Variants in MTDH observed in about 807,000 individuals in gnomAD.
The protein encoded by MTDH is protein LYRIC.
A neutral mutation model predicts 72.7 loss-of-function variants in MTDH; 34 were observed. That is an observed-to-expected ratio of 0.47 (90% confidence interval 0.36 to 0.62). MTDH has a LOEUF of 0.62. Ranked by LOEUF, MTDH falls within the 20% of genes least tolerant of loss-of-function variation. The pLI, the probability that MTDH is intolerant of heterozygous loss-of-function variation, is 0.00. For missense variants in MTDH, 677 were observed against 699.4 expected (o/e 0.97, Z 0.36); for synonymous variants, 266 against 268.9 (o/e 0.99, Z 0.10).
At chr8:97,659,130 G>T (rs866444352) in intron 1 of MTDH, among the ~76,000 whole-genome samples, 1 of 147,304 alleles carries the variant, frequency 6.8e-6, no homozygotes, top group Admixed American at 6.6e-5. Context: ...GCAACAGAGC[G>T]AGACTGCGTC....
intron 6 of MTDH, among the ~76,000 whole-genome samples, chr8:97,692,354 C>T (rs1586252662): frequency 1.3e-5 from 2 of 152,040 alleles, no homozygotes; most frequent in East Asian, 1.9e-4. Flanking sequence ...TAACTATTCC[C>T]ATATTATTCA....
In MTDH at chr8:97,691,019, C is replaced by G. The variant is rs1813585138; in HGVS notation, c.879C>G (p.Leu293=). 6.2e-7 allele frequency: 1 copy of G among 1,614,132 alleles called. No individual in the cohort carries two copies. The highest frequency in any genetic ancestry group is 1.1e-5 in the South Asian group (1 of 91,074). The change falls in exon 6 of 12, where the codon CTC becomes CTG. Residue 293 remains leucine, a synonymous_variant. Transcript: ENST00000336273. The part of the protein sequence containing the change: ...GGGWNEKSVK[L]SSQISAGEEK... ...GCTGGAATGAAAAGTCTGTAAAACT[C>G]TCCTCACAGATCAGTGCAGGTGAGG...
At chr8:97,646,845 A>G (rs1811582246) in intron 1 of MTDH, among the ~76,000 whole-genome samples, 1 of 152,220 alleles carries the variant, frequency 6.6e-6, no homozygotes, top group South Asian at 2.1e-4. Flanking sequence ...TTATCTACCA[A>G]ATATTGAAGA....
chr8:97,665,622 A>G (rs1812351791), intron 2 of MTDH, among the ~76,000 whole-genome samples: 1 of 152,196 alleles, frequency 6.6e-6, no homozygotes, highest in Admixed American at 6.6e-5. Context: ...ATTTTCAGTA[A>G]GTAGGCATAT....
chr8:97,690,618 T>C (rs899604654), intron 5 of MTDH, among the ~76,000 whole-genome samples: 3 of 145,976 alleles, frequency 2.1e-5, no homozygotes, highest in African/African-American at 7.9e-5. Context: ...GAATCATTGC[T>C]TGATACATAA....
intron 6 of MTDH, among the ~76,000 whole-genome samples, chr8:97,694,683 G>C (rs1813752529): frequency 6.6e-6 from 1 of 152,004 alleles, no homozygotes; most frequent in East Asian, 1.9e-4. Context: ...GCACTTTGCA[G>C]GGCTGAGGCT....
intron 9 of MTDH, among the ~76,000 whole-genome samples, chr8:97,717,201 A>G (rs1411335998): frequency 2.6e-5 from 4 of 152,188 alleles, no homozygotes; most frequent in Admixed American, 6.5e-5. Context: ...CTGAATAACT[A>G]TCATAAAATA....
chr8:97,687,652 T>C, intron 4 of MTDH, 47 bp downstream of exon 4: 1 of 1,430,860 alleles, frequency 7.0e-7, no homozygotes, highest in Non-Finnish European at 9.4e-7. Context: ...TCAAACTCCT[T>C]TTATTCGGAT....
chr8:97,658,828 AAGT>A (rs755858284), intron 1 of MTDH, among the ~76,000 whole-genome samples: 6 of 152,144 alleles, frequency 3.9e-5, no homozygotes, highest in Non-Finnish European at 8.8e-5. Context: ...CATGAACTAA[AAGT>A]AGCATATAAG....
chr8:97,709,336 G>A (rs200324363), intron 8 of MTDH, among the ~76,000 whole-genome samples: 1 of 53,616 alleles, frequency 1.9e-5, no homozygotes, highest in Non-Finnish European at 3.1e-5. Flanking sequence ...AGGCTTCTTA[G>A]AAGTACAATA....
chr8:97,717,108 A>G (rs1429868228), intron 9 of MTDH, among the ~76,000 whole-genome samples: 1 of 152,224 alleles, frequency 6.6e-6, no homozygotes, highest in Non-Finnish European at 1.5e-5. Context: ...TTGTAAGATT[A>G]CAGACTTCAC....
At chr8:97,714,533 G>A (rs558499300) in intron 9 of MTDH, among the ~76,000 whole-genome samples, 13 of 151,886 alleles carry the variant, frequency 8.6e-5, no homozygotes, top group Admixed American at 7.9e-4. Context: ...GAGCCCGGGA[G>A]GCAGAACTTG....
Position 97,644,441 on chromosome 8 carries a change from C to T in MTDH, c.-66C>T. 5 of 1,507,302 alleles carry T rather than the reference C, an allele frequency of 3.3e-6. No individual in the cohort carries two copies. The highest frequency in any genetic ancestry group is 4.4e-6 in the Non-Finnish European group (5 of 1,136,512). The allele number at this position is 1,507,302 out of a possible 1,614,324, so 93.4% of individuals were successfully genotyped here. ...CCCGGCCCGGCCCTTCCTCGCTTCCCTCGACTATTCCACTGCGTCTCCGCG... is the reference window on the plus strand; with the variant it reads ...CCCGGCCCGGCCCTTCCTCGCTTCCTTCGACTATTCCACTGCGTCTCCGCG... On this transcript the variant is annotated 5_prime_UTR_variant, in exon 1 of 12. Transcript: ENST00000336273.
At chr8:97,688,408 C>T (rs922348456) in intron 4 of MTDH, among the ~76,000 whole-genome samples, 1 of 152,170 alleles carries the variant, frequency 6.6e-6, no homozygotes, top group Non-Finnish European at 1.5e-5. Flanking sequence ...CTTCTACTTA[C>T]CCATTTTCAC....
At chr8:97,687,375 A>G in intron 3 of MTDH, 54 bp from the exon 4 acceptor site, 1 of 1,480,212 alleles carries the variant, frequency 6.8e-7, no homozygotes, top group South Asian at 1.4e-5. Flanking sequence ...CCAAAACTAT[A>G]ACTTTTTTGT....
intron 1 of MTDH, among the ~76,000 whole-genome samples, chr8:97,650,530 C>T (rs111783541): frequency 5.2e-4 from 79 of 152,218 alleles, no homozygotes; most frequent in African/African-American, 1.7e-3. Flanking sequence ...CTGCCTAGGC[C>T]TCCCAAAGTG....
At chr8:97,667,926 G>A (rs918379911) in intron 2 of MTDH, among the ~76,000 whole-genome samples, 1 of 151,758 alleles carries the variant, frequency 6.6e-6, no homozygotes. Flanking sequence ...TTCTAATGAC[G>A]TTAGTTGGTA....
intron 7 of MTDH, among the ~76,000 whole-genome samples, chr8:97,705,094 C>T (rs753726981): frequency 7.2e-5 from 11 of 151,910 alleles, no homozygotes; most frequent in East Asian, 1.9e-4. Context: ...GTCAGGAGTT[C>T]GAGACCAGCC....
intron 2 of MTDH, among the ~76,000 whole-genome samples, chr8:97,663,486 C>G (rs977177282): frequency 2.0e-5 from 3 of 151,976 alleles, no homozygotes; most frequent in Non-Finnish European, 4.4e-5. Context: ...CGGTGGCTCA[C>G]GCCTGTAATC....
Sources: gnomAD v4.1 joint callset for allele counts (sites outside exome capture counted in the v4.1 genomes callset) on GRCh38, gnomAD v4.1.1 for gene constraint, MANE v1.5 for transcripts, NCBI Gene and HGNC (gene_info 2026-07-23, HGNC 2026-07-21) for gene names.